The following RBFOX1 variants were observed in gnomAD, a reference collection of about 807,000 sequenced individuals.
The protein encoded by RBFOX1 is RNA binding protein fox-1 homolog 1.
In RBFOX1, 8 loss-of-function variants were observed where a neutral mutation model predicts 57.7. The observed-to-expected ratio is 0.14, with a 90% confidence interval of 0.08 to 0.25. RBFOX1 has a LOEUF of 0.25. RBFOX1 is among the 10% of genes least tolerant of loss of function. RBFOX1 has a pLI of 1.00. For synonymous variants in RBFOX1, 326 were observed against 222.4 expected, an observed-to-expected ratio of 1.47 and a Z score of -4.15; for missense variants, 611 against 548.5, an observed-to-expected ratio of 1.11 and a Z score of -1.14.
chr16:6,285,537 C>G (rs948236091), intron 1 of RBFOX1, among the ~76,000 whole-genome samples: 1 of 152,146 alleles, frequency 6.6e-6, no homozygotes, highest in Non-Finnish European at 1.5e-5. Flanking sequence ...ATTCCATGCA[C>G]AAGGAGAGAC....
chr16:7,382,620 C>T (rs1268198085), intron 4 of RBFOX1, among the ~76,000 whole-genome samples: 1 of 152,176 alleles, frequency 6.6e-6, no homozygotes, highest in African/African-American at 2.4e-5. Context: ...CGCAAGATGG[C>T]AAGAACAGTG....
At chr16:6,138,557 G>A (rs531962108) in intron 1 of RBFOX1, among the ~76,000 whole-genome samples, 5 of 152,232 alleles carry the variant, frequency 3.3e-5, no homozygotes, top group South Asian at 4.2e-4. Flanking sequence ...CTGGGAAGAT[G>A]GAATCTTATG....
chr16:7,026,332 C>A (rs115401127), intron 3 of RBFOX1, among the ~76,000 whole-genome samples: 1 of 152,148 alleles, frequency 6.6e-6, no homozygotes, highest in Non-Finnish European at 1.5e-5. Flanking sequence ...CGGTTTAACT[C>A]GGGTATCCAT....
intron 2 of RBFOX1, among the ~76,000 whole-genome samples, chr16:6,470,038 C>G (rs541528021): frequency 6.6e-6 from 1 of 152,328 alleles, no homozygotes; most frequent in South Asian, 2.1e-4. Context: ...AGTTATCAAA[C>G]AGTCATTAAG....
intron 1 of RBFOX1, among the ~76,000 whole-genome samples, chr16:6,068,389 A>G (rs776633658): frequency 5.3e-5 from 8 of 152,234 alleles, no homozygotes; most frequent in African/African-American, 9.6e-5. Context: ...CAGTGCCTTT[A>G]TACAAAGGCT....
At position 7,542,377 on chromosome 16, in the gene RBFOX1, C is replaced by A. The variant is rs562283580; in HGVS notation, c.270+23988C>A. On this transcript the variant is annotated intron_variant, in intron 5 of 15. Coordinates refer to ENST00000550418, the MANE Select transcript of RBFOX1 (RefSeq NM_018723.4). ...AACTTCCTCTTGACTTTCCACCCCA[C>A]CTCTTCTGGATTACCCGGGTCTGCA... Among the ~76,000 whole-genome samples, 4 of 152,274 alleles carry A rather than the reference C, an allele frequency of 2.6e-5. No individual in the cohort carries two copies. In the East Asian group the frequency reaches 7.7e-4, roughly 29 times the overall value.
At chr16:7,156,163 C>T (rs1025610703) in intron 4 of RBFOX1, among the ~76,000 whole-genome samples, 7 of 151,670 alleles carry the variant, frequency 4.6e-5, no homozygotes, top group Admixed American at 6.6e-5. Context: ...GACCACTGTG[C>T]CTGGCCGATC....
At chr16:6,960,758 T>G (rs1158651307) in intron 3 of RBFOX1, among the ~76,000 whole-genome samples, 1 of 151,954 alleles carries the variant, frequency 6.6e-6, no homozygotes, top group East Asian at 1.9e-4. Context: ...GAACTCAGAC[T>G]TTGAGCTCTT....
At chr16:7,415,194 C>G (rs553717608) in intron 4 of RBFOX1, among the ~76,000 whole-genome samples, 1 of 152,174 alleles carries the variant, frequency 6.6e-6, no homozygotes, top group South Asian at 2.1e-4. Flanking sequence ...CCTGGCTGTG[C>G]CTTCAAATGT....
chr16:5,869,821 G>C lies in RBFOX1; in HGVS notation c.351+2486G>C, dbSNP rs181070320. Among the ~76,000 whole-genome samples the C allele has an allele frequency of 2.7e-3, 412 of 152,230 alleles. 3 individuals carry two copies. Among genetic ancestry groups the C allele is most frequent in the Non-Finnish European group, 2.4e-3 (161 of 68,022 alleles). ...AAATCCAACAATTCCACTTCTACTT[G>C]TATGCCCAAGAGAAACGGTGCTTAT... On this transcript the variant is annotated intron_variant, in intron 4 of 19. Coordinates refer to the RBFOX1 transcript ENST00000641259.
intron 1 of RBFOX1, among the ~76,000 whole-genome samples, chr16:6,218,282 TTTATTTATTTATTTATTTATTTAC>T (rs1276581957): frequency 4.2e-3 from 3 of 714 alleles, no homozygotes; most frequent in Non-Finnish European, 0.023. Context: ...AGTCTTTTTA[TTTATTTATTTATTTATTTATTTAC>T]TTATTTATTT....
chr16:7,313,875 G>A (rs542527259), intron 4 of RBFOX1, among the ~76,000 whole-genome samples: 1 of 152,066 alleles, frequency 6.6e-6, no homozygotes, highest in Non-Finnish European at 1.5e-5. Context: ...TCACTGTGCC[G>A]GCCAGTGGCT....
intron 3 of RBFOX1, among the ~76,000 whole-genome samples, chr16:5,791,237 CT>C (rs1283613701): frequency 6.6e-6 from 1 of 152,156 alleles, no homozygotes; most frequent in African/African-American, 2.4e-5. Flanking sequence ...TAAATATTCA[CT>C]AAACTGTAGC....
intron 1 of RBFOX1, among the ~76,000 whole-genome samples, chr16:6,176,473 T>G (rs1000216884): frequency 6.6e-5 from 10 of 151,794 alleles, no homozygotes; most frequent in African/African-American, 2.4e-4. Flanking sequence ...GATTGAGGAA[T>G]TTAGTTAAAG....
At chr16:7,176,675 T>A (rs2081721518) in intron 4 of RBFOX1, among the ~76,000 whole-genome samples, 1 of 152,190 alleles carries the variant, frequency 6.6e-6, no homozygotes, top group South Asian at 2.1e-4. Flanking sequence ...CTGGAAAAGG[T>A]TTCCGATCCT....
chr16:6,360,173 C>T (rs2088178513), intron 2 of RBFOX1, among the ~76,000 whole-genome samples: 1 of 151,772 alleles, frequency 6.6e-6, no homozygotes, highest in Non-Finnish European at 1.5e-5. Context: ...CAGCCTGTAC[C>T]TTGTAATGAA....
At chr16:7,661,426 C>T (rs1384755272) in intron 12 of RBFOX1, among the ~76,000 whole-genome samples, 2 of 152,270 alleles carry the variant, frequency 1.3e-5, no homozygotes, top group African/African-American at 2.4e-5. Flanking sequence ...GCAGTACCCT[C>T]ACCCCACCAC....
chr16:6,754,323 G>A (rs775250747), intron 3 of RBFOX1, among the ~76,000 whole-genome samples: 1 of 152,042 alleles, frequency 6.6e-6, no homozygotes, highest in Non-Finnish European at 1.5e-5. Context: ...TTGCATAAAT[G>A]GTGTTGGATA....
At chr16:6,157,919 A>T (rs149722900) in intron 1 of RBFOX1, among the ~76,000 whole-genome samples, 1 of 152,150 alleles carries the variant, frequency 6.6e-6, no homozygotes, top group African/African-American at 2.4e-5. Flanking sequence ...ATTAGATCCT[A>T]TTGGATGGAT....
Sources: gnomAD v4.1 joint callset for allele counts (sites outside exome capture counted in the v4.1 genomes callset) on GRCh38, gnomAD v4.1.1 for gene constraint, MANE v1.5 for transcripts, NCBI Gene and HGNC (gene_info 2026-07-23, HGNC 2026-07-21) for gene names.